Variants in NFATC1 observed in about 807,000 individuals in gnomAD.
NFATC1 encodes the protein nuclear factor of activated T cells 1.
Under a neutral mutation model 76.0 loss-of-function variants are expected in NFATC1, and 22 were observed. The observed-to-expected ratio is 0.29, with a 90% CI of 0.21 to 0.41. The LOEUF (loss-of-function observed/expected upper bound fraction) is 0.41. Among genes scored for constraint, NFATC1 ranks in the 10% least tolerant of loss-of-function variants. The pLI is 1.00. For synonymous variants in NFATC1, 704 were observed against 613.1 expected (o/e 1.15, Z -2.19); for missense variants, 1,357 against 1,337.7 (o/e 1.01, Z -0.23).
At chr18:79,477,643 G>T (rs972366784) in intron 8 of NFATC1, among the ~76,000 whole-genome samples, 1 of 152,072 alleles carries the variant, frequency 6.6e-6, no homozygotes, top group African/African-American at 2.4e-5. Context: ...CGTACTGTTG[G>T]CAGAAGAAGG....
chr18:79,399,982 TA>T (rs201423108), intron 1 of NFATC1, among the ~76,000 whole-genome samples: 1,915 of 149,254 alleles, frequency 0.013, 35 homozygotes, highest in African/African-American at 0.041. Context: ...AAAAAAAACT[TA>T]AAAAAAAAAT....
intron 6 of NFATC1, among the ~76,000 whole-genome samples, chr18:79,458,765 G>A (rs563494734): frequency 4.0e-4 from 61 of 152,344 alleles, no homozygotes; most frequent in South Asian, 8.3e-4. Context: ...GGGCCTCCAC[G>A]GAGCTGGGAG....
intron 3 of NFATC1, among the ~76,000 whole-genome samples, chr18:79,445,238 G>C (rs549424531): frequency 2.0e-5 from 3 of 152,242 alleles, no homozygotes; most frequent in African/African-American, 4.8e-5. Flanking sequence ...CGTGGGTCAC[G>C]TGGGCCTGGG....
At chr18:79,416,965 G>A (rs2148218282) in intron 2 of NFATC1, among the ~76,000 whole-genome samples, 1 of 152,320 alleles carries the variant, frequency 6.6e-6, no homozygotes, top group Non-Finnish European at 1.5e-5. Flanking sequence ...TGGCTCTGAA[G>A]GGTCTTGAAG....
chr18:79,420,672 G>A (rs1171146593), intron 2 of NFATC1, among the ~76,000 whole-genome samples: 1 of 151,560 alleles, frequency 6.6e-6, no homozygotes, highest in Non-Finnish European at 1.5e-5. Context: ...GGAAGAGGGG[G>A]TCGCATTTCC....
chr18:79,410,280 T>A lies in NFATC1; in HGVS notation c.128-123T>A, dbSNP rs1196788211. ...GCAGCGTGGTCTCAGGGACGTTTGC[T>A]GAGGCCCGCTCCTTGGGGTCCGTTG... On this transcript the variant is annotated intron_variant, in intron 1 of 9. Coordinates refer to ENST00000427363, the MANE Select transcript of NFATC1 (RefSeq NM_001278669.2). This position sits in a 1 kb window ranked among gnomAD's most constrained non-coding sequence, Gnocchi z 6.7. 6.8e-7 allele frequency: 1 copy of A among 1,476,064 alleles called. No homozygotes were observed. Among genetic ancestry groups the A allele is most frequent in the African/African-American group, 1.4e-5 (1 of 71,268 alleles). The allele number at this position is 1,476,064 out of a possible 1,614,324, so 91.4% of individuals were successfully genotyped here.
intron 9 of NFATC1, chr18:79,496,620 T>C (rs1667676): frequency 0.73 from 111,311 of 152,228 alleles, 41,246 homozygotes; most frequent in Non-Finnish European, 0.79. Context: ...TCACACATTC[T>C]GCCAAGCCCA....
At chr18:79,513,403 C>A (rs1436125513) in intron 9 of NFATC1, among the ~76,000 whole-genome samples, 21 of 152,330 alleles carry the variant, frequency 1.4e-4, no homozygotes, top group East Asian at 1.9e-4. Context: ...CTTCCACCCG[C>A]CTCCCACCCA....
At chr18:79,499,851 C>G (rs1230350056) in intron 9 of NFATC1, among the ~76,000 whole-genome samples, 1 of 152,074 alleles carries the variant, frequency 6.6e-6, no homozygotes, top group East Asian at 1.9e-4. Context: ...AAATTAAACT[C>G]TAAGATAAAA....
intron 9 of NFATC1, among the ~76,000 whole-genome samples, chr18:79,491,330 G>A (rs1006555811): frequency 3.9e-5 from 6 of 152,118 alleles, no homozygotes; most frequent in African/African-American, 7.2e-5. Flanking sequence ...GAGCAGAGAC[G>A]AGAGACAGAA....
chr18:79,451,241 C>G lies in NFATC1; in HGVS notation c.1762+115C>G, dbSNP rs967091474. The G allele has an allele frequency of 7.1e-6, 9 of 1,267,498 alleles. No individual in the cohort carries two copies. In the South Asian group the frequency reaches 1.3e-4, roughly 18 times the overall value. The allele number at this position is 1,267,498 out of a possible 1,614,324, so 78.5% of individuals were successfully genotyped here. A position where few individuals can be genotyped will look rare whatever the true frequency, so the allele number is the denominator to read the frequency against. The stretch of plus-strand genomic sequence containing the variant: ...TAGACTTGGGACTGAACGGTTCCCA[C>G]CAAACCCACCACAGTGTGTGGCCAC... On this transcript the variant is annotated intron_variant, in intron 5 of 9. Transcript: ENST00000427363.
intron 8 of NFATC1, chr18:79,469,955 G>A (rs2088708735): frequency 2.0e-6 from 2 of 985,384 alleles, no homozygotes; most frequent in African/African-American, 1.7e-5. Flanking sequence ...TGTTGACGCT[G>A]GGCCTACCTC....
chr18:79,396,498 G>A (rs983099764), intron 1 of NFATC1, 147 bp downstream of exon 1: 424 of 394,340 alleles, frequency 1.1e-3, no homozygotes, highest in Non-Finnish European at 1.4e-3. Context: ...GAGGGGCGCG[G>A]CGCGGACCGG....
chr18:79,464,798 C>G (rs1280100023), intron 7 of NFATC1, among the ~76,000 whole-genome samples: 1 of 150,350 alleles, frequency 6.7e-6, no homozygotes, highest in African/African-American at 2.5e-5. Flanking sequence ...CTTGACCTCC[C>G]AGGCTGAAGC....
chr18:79,498,838 G>A (rs145389606), intron 9 of NFATC1, among the ~76,000 whole-genome samples: 17 of 152,350 alleles, frequency 1.1e-4, no homozygotes, highest in African/African-American at 3.4e-4. Context: ...ATTGTGAATC[G>A]TGGATGTCGG....
chr18:79,486,185 A>G (rs1600891136), intron 8 of NFATC1, 63 bp from the exon 9 acceptor site: 1 of 1,494,874 alleles, frequency 6.7e-7, no homozygotes, highest in Non-Finnish European at 9.1e-7. Context: ...CCCAGCCACA[A>G]GCCTGCCTGA....
intron 1 of NFATC1, among the ~76,000 whole-genome samples, chr18:79,409,534 ATCCAT>A (rs1311249536): frequency 1.3e-5 from 2 of 152,026 alleles, no homozygotes; most frequent in African/African-American, 4.8e-5. Flanking sequence ...TCCATCATCC[ATCCAT>A]TCATCCACCC....
chr18:79,517,559 C>T (rs1165048738), intron 9 of NFATC1, among the ~76,000 whole-genome samples: 5 of 152,176 alleles, frequency 3.3e-5, no homozygotes, highest in South Asian at 2.1e-4. Flanking sequence ...AACATGCCCC[C>T]GTAGGCCGTG....
chr18:79,486,944 G>A lies in NFATC1; in HGVS notation c.2782+7G>A. ...CAGTTGTACCTGGATGACGGTGAGT[G>A]CCCGCAGCCATGCAGGTGTGTGCCC... On this transcript the variant is annotated splice_region_variant and intron_variant, in intron 9 of 9. Transcript: ENST00000427363. 1 of 1,584,744 alleles carries A rather than the reference G, an allele frequency of 6.3e-7. No homozygotes were observed. The highest frequency in any genetic ancestry group is 8.6e-7 in the Non-Finnish European group (1 of 1,162,544).
Sources: allele counts gnomAD v4.1 joint callset (sites outside exome capture counted in the v4.1 genomes callset), GRCh38; gene constraint gnomAD v4.1.1; non-coding constraint Gnocchi (gnomAD v3.1); transcripts MANE v1.5; gene names NCBI Gene and HGNC (gene_info 2026-07-23, HGNC 2026-07-21).